Variants in LTN1 observed in about 807,000 individuals in gnomAD.
The protein encoded by LTN1 is E3 ubiquitin-protein ligase listerin.
LTN1 carries 88 observed loss-of-function variants against 201.2 expected under a neutral mutation model. The ratio of observed to expected loss-of-function variants is 0.44; its 90% confidence interval spans 0.37 to 0.52. LTN1 has a LOEUF of 0.52. Among genes scored for constraint, LTN1 ranks in the 20% least tolerant of loss-of-function variants. LTN1 has a pLI of 0.00. For synonymous variants in LTN1, 645 were observed against 713.5 expected, an observed-to-expected ratio of 0.90 and a Z score of 1.53; for missense variants, 1,752 against 2,038.7, an observed-to-expected ratio of 0.86 and a Z score of 2.71.
chr21:28,965,927 A>G, intron 10 of LTN1, 21 bp from the exon 11 acceptor site: 1 of 1,503,228 alleles, frequency 6.7e-7, no homozygotes, highest in South Asian at 1.2e-5. Context: ...AAAAAGAGTT[A>G]GAAACAATCT....
At chr21:28,967,677 G>A (rs2084538058) in intron 9 of LTN1, 1 of 152,390 alleles carries the variant, frequency 6.6e-6, no homozygotes, top group South Asian at 2.1e-4. Flanking sequence ...TGAGTTCTGT[G>A]AGACAGTCTA....
At chr21:28,935,730 C>T (rs1376807321) in intron 26 of LTN1, among the ~76,000 whole-genome samples, 6 of 151,736 alleles carry the variant, frequency 4.0e-5, no homozygotes, top group African/African-American at 1.2e-4. Flanking sequence ...GTCCCAGCTA[C>T]TCCGGAGGCT....
intron 29 of LTN1, 29 bp downstream of exon 29, chr21:28,931,126 T>A (rs1166976322): frequency 6.8e-7 from 1 of 1,467,128 alleles, no homozygotes; most frequent in South Asian, 1.2e-5. Context: ...ACATAAAATA[T>A]AAGTAAGTTA....
At chr21:28,948,125 A>G (rs9977254) in intron 18 of LTN1, among the ~76,000 whole-genome samples, 126,445 of 126,446 alleles carry the variant, frequency 1, 63,222 homozygotes, top group Middle Eastern at 1. Flanking sequence ...CTGGGAGGCA[A>G]AGGTTCCAGT....
intron 1 of LTN1, among the ~76,000 whole-genome samples, chr21:28,991,537 G>C (rs954067451): frequency 1.3e-5 from 2 of 152,310 alleles, no homozygotes; most frequent in Non-Finnish European, 2.9e-5. Flanking sequence ...TAAATTAAGA[G>C]AGAGAAAGCA....
Position 28,946,148 on chromosome 21 carries a change from C to T in LTN1, c.3623+4G>A. 6.3e-7 allele frequency: 1 copy of T among 1,575,228 alleles called. No homozygotes were observed. The highest frequency in any genetic ancestry group is 8.6e-7 in the Non-Finnish European group (1 of 1,161,934). On this transcript the variant is annotated splice_donor_region_variant and intron_variant, in intron 20 of 29. Coordinates refer to ENST00000361371, the MANE Select transcript of LTN1 (RefSeq NM_015565.3). ...GGAAAAACATAGTATAAAGTATCAC[C>T]TACCAACTGAAAAGAAAAATATCTT...
chr21:28,975,480 G>A (rs535282478), intron 6 of LTN1, among the ~76,000 whole-genome samples: 6 of 152,272 alleles, frequency 3.9e-5, no homozygotes, highest in African/African-American at 1.2e-4. Context: ...TTTCCATAGG[G>A]AGATACAGAG....
intron 6 of LTN1, among the ~76,000 whole-genome samples, chr21:28,977,114 A>G (rs1464318025): frequency 1.3e-5 from 2 of 152,202 alleles, no homozygotes; most frequent in South Asian, 2.1e-4. Context: ...TGGTTCATGC[A>G]TGTAATCCCA....
chr21:28,942,443 C>A (rs1340260157), intron 24 of LTN1, among the ~76,000 whole-genome samples: 1 of 152,088 alleles, frequency 6.6e-6, no homozygotes, highest in African/African-American at 2.4e-5. Context: ...ATTTTTAAGG[C>A]CATTTATTAT....
Position 28,944,374 on chromosome 21 carries a change from T to C in LTN1, c.3982+9A>G. On this transcript the variant is annotated intron_variant, in intron 22 of 29. Transcript: ENST00000361371. ...AATCAATCTCACTATTATTCCCTTT[T>C]TCACTTGCCTGTAACAGTCACCAAA... 1 of 1,601,198 alleles carries C rather than the reference T, an allele frequency of 6.2e-7. No homozygotes were observed. Among genetic ancestry groups the C allele is most frequent in the Non-Finnish European group, 8.6e-7 (1 of 1,168,434 alleles).
intron 1 of LTN1, among the ~76,000 whole-genome samples, chr21:28,988,107 A>C (rs1269252297): frequency 2.1e-5 from 3 of 140,548 alleles, no homozygotes; most frequent in African/African-American, 8.2e-5. Context: ...GTGCCATTGC[A>C]CTCCAGCCTG....
At position 28,987,052 on chromosome 21, in the gene LTN1, C is replaced by T. The variant is rs1568860205; in HGVS notation, c.43-118G>A. 16 of 672,786 alleles carry T rather than the reference C, an allele frequency of 2.4e-5. No homozygotes were observed. In the South Asian group the frequency reaches 3.4e-4, roughly 14 times the overall value. 41.7% of individuals were successfully genotyped at this position (672,786 alleles called of 1,614,324 possible). ...AGCTTTTATTTTATTTTCTTTTTTC[C>T]TAGCCTAAAATTTCATCTATTGCAA... On this transcript the variant is annotated intron_variant, in intron 1 of 29. Coordinates refer to ENST00000361371, the MANE Select transcript of LTN1 (RefSeq NM_015565.3).
intron 16 of LTN1, among the ~76,000 whole-genome samples, chr21:28,956,119 A>AG (rs1289790362): frequency 6.6e-6 from 1 of 152,076 alleles, no homozygotes; most frequent in Non-Finnish European, 1.5e-5. Flanking sequence ...TACCCTGAGA[A>AG]GGGTCAGGGA....
intron 28 of LTN1, 22 bp downstream of exon 28, chr21:28,932,448 A>G: frequency 6.2e-7 from 1 of 1,600,474 alleles, no homozygotes; most frequent in African/African-American, 1.3e-5. Flanking sequence ...TTGTAAAGCC[A>G]AATGTGTAAA....
intron 15 of LTN1, 92 bp downstream of exon 15, chr21:28,957,240 T>C: frequency 8.0e-7 from 1 of 1,253,236 alleles, no homozygotes; most frequent in Non-Finnish European, 1.1e-6. Context: ...ACTCATTTTA[T>C]TTATGTTTTT....
chr21:28,971,549 A>C (rs987244337), intron 6 of LTN1, 105 bp from the exon 7 acceptor site: 4 of 959,904 alleles, frequency 4.2e-6, no homozygotes, highest in Non-Finnish European at 6.1e-6. Flanking sequence ...CCACTAAGAA[A>C]ACTAAAATAG....
intron 6 of LTN1, among the ~76,000 whole-genome samples, chr21:28,978,616 A>G (rs2084635165): frequency 6.6e-6 from 1 of 152,248 alleles, no homozygotes; most frequent in African/African-American, 2.4e-5. Flanking sequence ...TAAGGCAAAA[A>G]TCAGTGACTT....
Position 28,984,840 on chromosome 21 carries a change from T to C in LTN1, c.428A>G (p.Tyr143Cys), listed in dbSNP as rs755768969. 21 of 1,614,016 alleles carry C rather than the reference T, an allele frequency of 1.3e-5. No individual in the cohort carries two copies. Among genetic ancestry groups the C allele is most frequent in the Non-Finnish European group, 1.7e-5 (20 of 1,180,000 alleles). ...ILKVKKQLAP[Y>C]LKSLMGYWLM... is the part of the protein sequence containing the mutation. Reference sequence around the variant, plus strand: ...CCAATATCCCATTAAACTTTTTAAGTAGGGAGCCAACTGTTTCTTTACTTT... The same window carrying C: ...CCAATATCCCATTAAACTTTTTAAGCAGGGAGCCAACTGTTTCTTTACTTT... Residue 143 changes from tyrosine (Y) to cysteine (C), a missense_variant, in exon 4 of 30, where the codon TAC (tyrosine) becomes TGC (cysteine). Tyr to Cys is a radical substitution (Grantham distance 194). Coordinates refer to ENST00000361371, the MANE Select transcript of LTN1 (RefSeq NM_015565.3).
chr21:28,945,917 C>A lies in LTN1; in HGVS notation c.3658G>T (p.Val1220Leu). ...AGAAACCGGATTATTTCTATATTTA[C>A]ACCCAGTACCTCTGGACTTGCTTCT... Reference protein sequence around the residue: ...LSEASPEVLGVNIEIIRFLSL... With the variant: ...LSEASPEVLGLNIEIIRFLSL... Residue 1220 changes from valine (V) to leucine (L), a missense_variant, in exon 21 of 30, where the codon GTA (valine) becomes TTA (leucine). By Grantham distance (32) the Val-to-Leu change is conservative. Transcript: ENST00000361371. The A allele has an allele frequency of 6.2e-7, 1 of 1,613,214 alleles. No homozygotes were observed.
Sources: gnomAD v4.1 joint callset for allele counts (sites outside exome capture counted in the v4.1 genomes callset) on GRCh38, gnomAD v4.1.1 for gene constraint, MANE v1.5 for transcripts, NCBI Gene and HGNC (gene_info 2026-07-23, HGNC 2026-07-21) for gene names.